The following TBCK variants were observed in gnomAD, a reference collection of about 807,000 sequenced individuals.
TBCK encodes TBC domain-containing protein kinase-like protein.
TBCK carries 99 observed loss-of-function variants against 113.4 expected under a neutral mutation model. That is an observed-to-expected ratio of 0.87 (90% CI 0.74 to 1.03). The LOEUF (loss-of-function observed/expected upper bound fraction) is 1.03, where lower values mean the gene tolerates loss of function less well. Among genes scored for constraint, TBCK ranks in the 50% least tolerant of loss-of-function variants. TBCK has a pLI of 0.00. For synonymous variants in TBCK, 369 were observed against 370.8 expected (o/e 1.00, Z 0.05); for missense variants, 1,045 against 1,061.3 (o/e 0.98, Z 0.21).
chr4:106,287,092 G>T (rs1203537178), intron 3 of TBCK, among the ~76,000 whole-genome samples: 1 of 152,116 alleles, frequency 6.6e-6, no homozygotes, highest in Non-Finnish European at 1.5e-5. Context: ...GGCTTATGGG[G>T]TCCTCTGGAA....
intron 23 of TBCK, among the ~76,000 whole-genome samples, chr4:106,145,020 CAA>C (rs34322527): frequency 2.5e-4 from 22 of 88,682 alleles, no homozygotes; most frequent in Admixed American, 1.3e-3. Context: ...AACTCCGTGT[CAA>C]AAAAAAAAAA....
intron 23 of TBCK, among the ~76,000 whole-genome samples, chr4:106,121,676 C>G (rs1450074276): frequency 1.3e-5 from 2 of 152,174 alleles, no homozygotes; most frequent in Non-Finnish European, 2.9e-5. Context: ...CAAACTATCT[C>G]TCAGACCACA....
intron 12 of TBCK, among the ~76,000 whole-genome samples, chr4:106,238,948 T>G (rs574012790): frequency 3.1e-4 from 47 of 152,098 alleles, no homozygotes; most frequent in Non-Finnish European, 4.4e-4. Context: ...CCTTCCTTGC[T>G]TCCATGAGAT....
At position 106,135,667 on chromosome 4, in the gene TBCK, C is replaced by T. The variant is rs533079884; in HGVS notation, c.2236-19289G>A. 1.6e-4 allele frequency among the ~76,000 whole-genome samples: 22 copies of T among 141,478 alleles called. 5 individuals are homozygous for T. The highest frequency in any genetic ancestry group is 2.9e-4 in the Non-Finnish European group (18 of 62,340). 92.8% of individuals were successfully genotyped at this position (141,478 alleles called of 152,430 possible). ...GGTTACTATAAAAGCTCTGGAGGAG[C>T]GCAGAAAAATTTGATAAATAGTTAC... is the stretch of plus-strand genomic sequence containing the variant. On this transcript the variant is annotated intron_variant, in intron 23 of 25. Transcript: ENST00000394708.
chr4:106,081,749 T>G (rs1447739335), intron 25 of TBCK, among the ~76,000 whole-genome samples: 1 of 151,722 alleles, frequency 6.6e-6, no homozygotes, highest in African/African-American at 2.4e-5. Flanking sequence ...GAAACTTAAA[T>G]CAAAAAGCAA....
chr4:106,124,250 T>C (rs1018723934), intron 23 of TBCK, among the ~76,000 whole-genome samples: 9 of 151,736 alleles, frequency 5.9e-5, no homozygotes, highest in African/African-American at 2.2e-4. Context: ...ACATGAAAAA[T>C]TGCTCATTAT....
chr4:106,064,136 G>A (rs1357036298), intron 25 of TBCK, among the ~76,000 whole-genome samples: 1 of 151,842 alleles, frequency 6.6e-6, no homozygotes, highest in African/African-American at 2.4e-5. Flanking sequence ...ATATACTAGG[G>A]CTACAGGGGA....
At position 106,045,826 on chromosome 4, in the gene TBCK, A is replaced by G. The variant is rs1734170260; in HGVS notation, c.*744T>C. The G allele has an allele frequency of 6.6e-6, 1 of 152,172 alleles. No homozygotes were observed. Among genetic ancestry groups the G allele is most frequent in the African/African-American group, 2.4e-5 (1 of 41,416 alleles). The allele number at this position is 152,172 out of a possible 1,614,324, so 9.4% of individuals were successfully genotyped here. The stretch of plus-strand genomic sequence containing the variant: ...GCCACATATTGAGGTTTGTAAAGCA[A>G]TGAGAGAAGGTAATGAGTTCTTAAT... On this transcript the variant is annotated 3_prime_UTR_variant, in exon 26 of 26. Coordinates refer to ENST00000394708, the MANE Select transcript of TBCK (RefSeq NM_001163435.3).
intron 25 of TBCK, among the ~76,000 whole-genome samples, chr4:106,082,215 T>C (rs1214531531): frequency 8.1e-6 from 1 of 123,356 alleles, no homozygotes; most frequent in African/African-American, 3.2e-5. Flanking sequence ...CCATCAACAG[T>C]GGACTGAATA....
At chr4:106,072,410 G>A (rs1737579471) in intron 25 of TBCK, among the ~76,000 whole-genome samples, 1 of 152,182 alleles carries the variant, frequency 6.6e-6, no homozygotes, top group Non-Finnish European at 1.5e-5. Context: ...CTTTGAGAAT[G>A]TTGAATATTG....
At chr4:106,189,699 G>A (rs541431898) in intron 22 of TBCK, among the ~76,000 whole-genome samples, 15 of 151,822 alleles carry the variant, frequency 9.9e-5, no homozygotes, top group African/African-American at 3.6e-4. Context: ...TTCGTATTTT[G>A]GTACCTGATG....
intron 25 of TBCK, among the ~76,000 whole-genome samples, chr4:106,094,758 A>G (rs994973498): frequency 6.6e-6 from 1 of 152,156 alleles, no homozygotes; most frequent in African/African-American, 2.4e-5. Context: ...TTTTAGAAAA[A>G]AGCTGTCTGC....
At chr4:106,249,101 T>G (rs1761157953) in intron 7 of TBCK, 119 bp from the exon 8 acceptor site, 1 of 568,392 alleles carries the variant, frequency 1.8e-6, no homozygotes, top group South Asian at 3.6e-5. Flanking sequence ...CTTAAAATAC[T>G]GAAAACTTTA....
chr4:106,058,599 T>C (rs1259191133), intron 25 of TBCK, among the ~76,000 whole-genome samples: 1 of 151,560 alleles, frequency 6.6e-6, no homozygotes, highest in Admixed American at 6.6e-5. Flanking sequence ...AAAAAGAGAA[T>C]ATAAGGAACT....
At chr4:106,235,924 T>A (rs1759407574) in intron 14 of TBCK, among the ~76,000 whole-genome samples, 1 of 152,042 alleles carries the variant, frequency 6.6e-6, no homozygotes, top group South Asian at 2.1e-4. Flanking sequence ...TTCAGTACAT[T>A]CACATTTATT....
intron 23 of TBCK, among the ~76,000 whole-genome samples, chr4:106,143,230 G>A (rs1747339616): frequency 6.6e-6 from 1 of 152,062 alleles, no homozygotes; most frequent in Non-Finnish European, 1.5e-5. Flanking sequence ...ATACTCTAGT[G>A]CAACTCTTAT....
chr4:106,294,382 CT>C (rs1766045137), intron 3 of TBCK, among the ~76,000 whole-genome samples: 1 of 151,928 alleles, frequency 6.6e-6, no homozygotes, highest in South Asian at 2.1e-4. Flanking sequence ...AATCCCACCA[CT>C]TTGGGAGGGT....
At chr4:106,238,237 TC>T (rs1203374233) in intron 12 of TBCK, among the ~76,000 whole-genome samples, 1 of 152,114 alleles carries the variant, frequency 6.6e-6, no homozygotes, top group East Asian at 1.9e-4. Flanking sequence ...ACTTTCCACA[TC>T]CTTTCTTTCA....
chr4:106,181,538 T>C (rs1207952335), intron 22 of TBCK, among the ~76,000 whole-genome samples: 1 of 152,188 alleles, frequency 6.6e-6, no homozygotes, highest in Admixed American at 6.5e-5. Flanking sequence ...CTTGAGTTGA[T>C]TTTTGTATAA....
Sources: allele counts gnomAD v4.1 joint callset (sites outside exome capture counted in the v4.1 genomes callset), GRCh38; gene constraint gnomAD v4.1.1; transcripts MANE v1.5; gene names NCBI Gene and HGNC (gene_info 2026-07-23, HGNC 2026-07-21).